UBR1: variants seen among roughly 807,000 people sequenced by gnomAD.
UBR1 encodes the protein ubiquitin protein ligase E3 component n-recognin 1, also known as E3 ubiquitin-protein ligase UBR1.
UBR1 carries 102 observed loss-of-function variants against 242.1 expected under a neutral mutation model. That is an observed-to-expected ratio of 0.42 (90% CI 0.36 to 0.50). UBR1 has a LOEUF of 0.50. UBR1 is among the 20% of genes least tolerant of loss of function. UBR1 has a pLI of 0.01. For missense variants in UBR1, 1,772 were observed against 2,101.8 expected, an observed-to-expected ratio of 0.84 and a Z score of 3.07; for synonymous variants, 675 against 684.8, an observed-to-expected ratio of 0.99 and a Z score of 0.22.
intron 40 of UBR1, among the ~76,000 whole-genome samples, chr15:42,969,110 T>C (rs1190397426): frequency 2.0e-5 from 3 of 152,220 alleles, no homozygotes; most frequent in Admixed American, 1.3e-4. Context: ...TCCACAATTG[T>C]TGAACTAATT....
rs533735378 is a variant in UBR1 at position 42,979,209 on chromosome 15, CTTTTTTTT to C, written c.4151-1270_4151-1263del. Reference sequence around the variant, plus strand: ...TGCCCAACCAATTTTTTCTTTTTTTCTTTTTTTTTTTTTTAGTAGAGATGGGGTTTCAC... The same window carrying C: ...TGCCCAACCAATTTTTTCTTTTTTTCTTTTTTAGTAGAGATGGGGTTTCAC... On this transcript the variant is annotated intron_variant, in intron 37 of 46. Coordinates refer to ENST00000290650, the MANE Select transcript of UBR1 (RefSeq NM_174916.3). Among the ~76,000 whole-genome samples the C allele has an allele frequency of 3.8e-3, 527 of 138,508 alleles. 2 individuals carry two copies. Among genetic ancestry groups the C allele is most frequent in the African/African-American group, 0.013 (500 of 37,898 alleles). The allele number at this position is 138,508 out of a possible 152,430, so 90.9% of individuals were successfully genotyped here. A position where few individuals can be genotyped will look rare whatever the true frequency, so the allele number is the denominator to read the frequency against.
At chr15:42,973,057 T>C (rs2032232507) in intron 39 of UBR1, among the ~76,000 whole-genome samples, 1 of 152,238 alleles carries the variant, frequency 6.6e-6, no homozygotes, top group South Asian at 2.1e-4. Flanking sequence ...TGTATAGTGG[T>C]ATCTCATTGT....
chr15:42,984,808 T>C, intron 36 of UBR1, 79 bp downstream of exon 36: 4 of 1,289,470 alleles, frequency 3.1e-6, no homozygotes, highest in Non-Finnish European at 4.5e-6. Flanking sequence ...GAGTAAAGAT[T>C]TTTTGTTTTT....
intron 32 of UBR1, among the ~76,000 whole-genome samples, chr15:43,001,553 T>C (rs771817530): frequency 5.7e-4 from 87 of 152,234 alleles, no homozygotes; most frequent in Non-Finnish European, 7.8e-4. Context: ...TAGGAGAATT[T>C]AGGTTTACCA....
intron 34 of UBR1, among the ~76,000 whole-genome samples, chr15:42,989,359 T>C (rs1488832417): frequency 1.3e-5 from 2 of 152,176 alleles, no homozygotes; most frequent in Non-Finnish European, 2.9e-5. Context: ...ACCAAAGAAG[T>C]ACTTTTGTGT....
At chr15:42,959,872 A>G (rs1341922342) in intron 43 of UBR1, among the ~76,000 whole-genome samples, 2 of 152,188 alleles carry the variant, frequency 1.3e-5, no homozygotes, top group Non-Finnish European at 2.9e-5. Context: ...AAAGGCGGCA[A>G]ATGTGCACTG....
intron 15 of UBR1, among the ~76,000 whole-genome samples, chr15:43,039,340 C>T (rs545745100): frequency 5.9e-5 from 9 of 152,182 alleles, no homozygotes; most frequent in African/African-American, 2.2e-4. Context: ...TGTTTGTGTC[C>T]TCTTTTATTT....
chr15:43,067,225 G>GA (rs1555448677), intron 6 of UBR1, among the ~76,000 whole-genome samples: 1 of 150,254 alleles, frequency 6.7e-6, no homozygotes, highest in African/African-American at 2.4e-5. Flanking sequence ...GTACCCTTTT[G>GA]TTTTTTTTTG....
intron 1 of UBR1, among the ~76,000 whole-genome samples, chr15:43,096,908 CT>C (rs1315411643): frequency 6.6e-6 from 1 of 151,956 alleles, no homozygotes; most frequent in Non-Finnish European, 1.5e-5. Context: ...TTCCAAACTC[CT>C]GTTCATGTTG....
At chr15:42,990,266 T>G (rs1303959238) in intron 33 of UBR1, 146 bp from the exon 34 acceptor site, 5 of 644,916 alleles carry the variant, frequency 7.8e-6, no homozygotes, top group Non-Finnish European at 1.4e-5. Context: ...GTAGCTTCCA[T>G]CTCCCAGGCT....
Position 42,976,926 on chromosome 15 carries a change from G to A in UBR1, c.4219-59C>T, listed in dbSNP as rs573532739. ...TGATAAAAGACTAACATAAATTAAT[G>A]TCATAACTAAATGTGAAGGGCAGCA... On this transcript the variant is annotated intron_variant, in intron 38 of 46. Transcript: ENST00000290650. 20 of 1,567,634 alleles carry A rather than the reference G, an allele frequency of 1.3e-5. No homozygotes were observed. The African/African-American group carries it at 2.6e-4, about 20-fold the overall frequency.
intron 2 of UBR1, 27 bp downstream of exon 2, chr15:43,085,957 T>C: frequency 6.6e-7 from 1 of 1,505,680 alleles, no homozygotes; most frequent in Non-Finnish European, 9.2e-7. Context: ...ATAATTATAA[T>C]CAATCCTGTA....
intron 15 of UBR1, among the ~76,000 whole-genome samples, chr15:43,039,709 C>T (rs2033390680): frequency 6.6e-6 from 1 of 152,124 alleles, no homozygotes; most frequent in African/African-American, 2.4e-5. Flanking sequence ...GAACTTCCAA[C>T]ACTATGTTGA....
Position 43,066,603 on chromosome 15 carries a change from G to GT in UBR1, c.798+1294dup, listed in dbSNP as rs376278142. Among the ~76,000 whole-genome samples the GT allele has an allele frequency of 1.4e-3, 216 of 152,178 alleles. 1 individual carries two copies. The highest frequency in any genetic ancestry group is 5.0e-3 in the African/African-American group (208 of 41,546). On this transcript the variant is annotated intron_variant, in intron 6 of 46. Transcript: ENST00000290650. ...TTCTTCCCATCCATGAAGATGGAAT[G>GT]TTTTTTCCCATTTGTTCGTGTCCTG...
At chr15:42,954,151 C>A (rs2031879864) in intron 44 of UBR1, among the ~76,000 whole-genome samples, 1 of 152,100 alleles carries the variant, frequency 6.6e-6, no homozygotes, top group Non-Finnish European at 1.5e-5. Context: ...TCCCAAAGTG[C>A]TGGGGTTACA....
chr15:43,051,075 G>A (rs1370797054), intron 12 of UBR1, among the ~76,000 whole-genome samples: 2 of 152,260 alleles, frequency 1.3e-5, no homozygotes, highest in Non-Finnish European at 2.9e-5. Flanking sequence ...TCATTACCGG[G>A]TATTCACCCA....
At chr15:43,026,278 G>GGT in intron 23 of UBR1, 1 of 302,396 alleles carries the variant, frequency 3.3e-6, no homozygotes. Flanking sequence ...AAAAACTAAA[G>GGT]AAACATGACA....
intron 33 of UBR1, among the ~76,000 whole-genome samples, chr15:42,995,878 T>C (rs991954681): frequency 6.6e-6 from 1 of 152,226 alleles, no homozygotes; most frequent in Non-Finnish European, 1.5e-5. Context: ...TTGCTGACTG[T>C]TGTCTTCCAT....
chr15:43,045,129 AAGT>A (rs766893512), intron 14 of UBR1, among the ~76,000 whole-genome samples: 12 of 152,084 alleles, frequency 7.9e-5, no homozygotes, highest in African/African-American at 1.2e-4. Flanking sequence ...TGCAAGTTGG[AAGT>A]AGAAGGAAAT....
Sources: allele counts gnomAD v4.1 joint callset (sites outside exome capture counted in the v4.1 genomes callset), GRCh38; gene constraint gnomAD v4.1.1; transcripts MANE v1.5; gene names NCBI Gene and HGNC (gene_info 2026-07-23, HGNC 2026-07-21).